The following TFEC variants were observed in gnomAD, a reference collection of about 807,000 sequenced individuals.
TFEC encodes class E basic helix-loop-helix protein 34.
TFEC carries 31 observed loss-of-function variants against 41.6 expected under a neutral mutation model. The observed-to-expected ratio is 0.74, with a 90% CI of 0.56 to 1.01. The LOEUF (loss-of-function observed/expected upper bound fraction) is 1.01, where lower values mean the gene tolerates loss of function less well. TFEC is among the 50% of genes least tolerant of loss of function. TFEC has a pLI of 0.00. For missense variants in TFEC, 402 were observed against 404.1 expected (o/e 0.99, Z 0.04); for synonymous variants, 143 against 140.6 (o/e 1.02, Z -0.12).
At chr7:116,125,495 A>G (rs1486788213) in intron 1 of TFEC, among the ~76,000 whole-genome samples, 1 of 152,210 alleles carries the variant, frequency 6.6e-6, no homozygotes, top group African/African-American at 2.4e-5. Flanking sequence ...TAAGACCATC[A>G]TGGTTGTGCT....
Position 116,008,103 on chromosome 7 carries a change from T to C in TFEC, c.-73+22530A>G, listed in dbSNP as rs1263213329. The stretch of plus-strand genomic sequence containing the variant: ...ACCTGGGAGGAGATAAATCCGCTTC[T>C]TGGGTACTGGCCTTTTGAAACTCAA... On this transcript the variant is annotated intron_variant, in intron 1 of 7. Coordinates refer to ENST00000265440, the MANE Select transcript of TFEC (RefSeq NM_012252.4). 4.2e-4 allele frequency among the ~76,000 whole-genome samples: 64 copies of C among 152,156 alleles called. 1 individual carries two copies.
At chr7:115,987,323 C>T (rs769836231) in intron 1 of TFEC, among the ~76,000 whole-genome samples, 6 of 152,192 alleles carry the variant, frequency 3.9e-5, no homozygotes, top group South Asian at 4.2e-4. Flanking sequence ...ATCAGAACAA[C>T]GGGATAACTC....
At chr7:116,158,404 T>C (rs922575550) in intron 1 of TFEC, among the ~76,000 whole-genome samples, 1 of 152,120 alleles carries the variant, frequency 6.6e-6, no homozygotes, top group Non-Finnish European at 1.5e-5. Flanking sequence ...TATTTAGTTG[T>C]GAAAAATTAT....
intron 1 of TFEC, among the ~76,000 whole-genome samples, chr7:116,119,177 A>G (rs559642880): frequency 1.3e-5 from 2 of 151,878 alleles, no homozygotes; most frequent in South Asian, 2.1e-4. Flanking sequence ...ATTTTTACCA[A>G]ATAGAGAAGC....
At chr7:116,152,580 C>G (rs1253353727) in intron 1 of TFEC, among the ~76,000 whole-genome samples, 3 of 152,110 alleles carry the variant, frequency 2.0e-5, no homozygotes, top group Non-Finnish European at 4.4e-5. Context: ...TCACATAAAG[C>G]TGGGAATGGT....
At chr7:116,059,751 T>C (rs375097974) in intron 3 of TFEC, among the ~76,000 whole-genome samples, 1 of 152,046 alleles carries the variant, frequency 6.6e-6, no homozygotes, top group East Asian at 1.9e-4. Context: ...ATCAGCTCAG[T>C]AGACATCAAA....
At chr7:116,098,285 G>A (rs892917105) in intron 3 of TFEC, among the ~76,000 whole-genome samples, 4 of 151,786 alleles carry the variant, frequency 2.6e-5, no homozygotes, top group Admixed American at 1.3e-4. Flanking sequence ...TCAGTCTCCC[G>A]AGTAGCTAGG....
intron 1 of TFEC, among the ~76,000 whole-genome samples, chr7:116,135,083 A>G (rs1007931905): frequency 6.6e-6 from 1 of 152,128 alleles, no homozygotes; most frequent in Non-Finnish European, 1.5e-5. Flanking sequence ...CCCTCCTTTT[A>G]TGCTGTATGT....
At chr7:116,004,820 G>T (rs917578777) in intron 1 of TFEC, among the ~76,000 whole-genome samples, 4 of 152,002 alleles carry the variant, frequency 2.6e-5, no homozygotes, top group African/African-American at 4.8e-5. Flanking sequence ...AGGGAGATCA[G>T]TATTACTGAT....
In TFEC at chr7:116,098,458, T is replaced by G. The variant is rs188994837; in HGVS notation, c.198+12250A>C. Reference sequence around the variant, plus strand: ...AAAATAGACTTCTGAGCAAAAAGACTTAAGCAGAAACAAAGAAGGCTATTA... The same window carrying G: ...AAAATAGACTTCTGAGCAAAAAGACGTAAGCAGAAACAAAGAAGGCTATTA... On this transcript the variant is annotated intron_variant, in intron 3 of 8. Transcript: ENST00000484212. 1.6e-4 allele frequency among the ~76,000 whole-genome samples: 24 copies of G among 152,222 alleles called. No homozygotes were observed. The East Asian group carries it at 4.2e-3, about 27-fold the overall frequency.
At chr7:116,016,144 G>A (rs866375658) in intron 1 of TFEC, among the ~76,000 whole-genome samples, 15 of 152,178 alleles carry the variant, frequency 9.9e-5, no homozygotes, top group African/African-American at 3.4e-4. Flanking sequence ...CAAGAAAAAA[G>A]TGGTTAACAA....
At chr7:116,063,219 A>C (rs536384845) in intron 3 of TFEC, among the ~76,000 whole-genome samples, 1 of 152,346 alleles carries the variant, frequency 6.6e-6, no homozygotes, top group East Asian at 1.9e-4. Flanking sequence ...AATACTAGAG[A>C]AGGCAAGCTA....
In TFEC at chr7:116,021,273, C is replaced by T. The variant is rs80170509; in HGVS notation, c.-73+9360G>A. Among the ~76,000 whole-genome samples, 353 of 152,304 alleles carry T rather than the reference C, an allele frequency of 2.3e-3. 5 individuals are homozygous for T. In the East Asian group the frequency reaches 0.03, roughly 13 times the overall value. On this transcript the variant is annotated intron_variant, in intron 1 of 7. Transcript: ENST00000265440. ...AAAGCACTACCATTAAAGGCAAGGT[C>T]GACTTTGCTTACCACAAGTTACAAA...
At chr7:116,126,281 AT>A in intron 1 of TFEC, among the ~76,000 whole-genome samples, 1 of 152,274 alleles carries the variant, frequency 6.6e-6, no homozygotes, top group African/African-American at 2.4e-5. Flanking sequence ...GGACAAATCA[AT>A]TTTTTACTCA....
Position 116,081,891 on chromosome 7 carries a change from T to C in TFEC, c.198+28817A>G, listed in dbSNP as rs192604545. ...TTCATCTTGCGCCTTTCTTGCTTGA[T>C]TAATGTTTACCTCTCAAGACACACT... On this transcript the variant is annotated intron_variant, in intron 3 of 8. Transcript: ENST00000484212. Among the ~76,000 whole-genome samples the C allele has an allele frequency of 2.6e-5, 4 of 152,158 alleles. No individual in the cohort carries two copies. The East Asian group carries it at 7.7e-4, about 29-fold the overall frequency.
intron 1 of TFEC, among the ~76,000 whole-genome samples, chr7:116,001,872 G>T (rs1794611076): frequency 6.6e-6 from 1 of 151,846 alleles, no homozygotes; most frequent in Admixed American, 6.6e-5. Context: ...AGACAAACAG[G>T]TATATAAAAA....
At chr7:116,130,966 T>C (rs1798320289) in intron 1 of TFEC, among the ~76,000 whole-genome samples, 1 of 152,182 alleles carries the variant, frequency 6.6e-6, no homozygotes, top group African/African-American at 2.4e-5. Flanking sequence ...ATCTTTCTAG[T>C]TAAAATTTTC....
At chr7:116,085,355 G>A (rs936869925) in intron 3 of TFEC, among the ~76,000 whole-genome samples, 2 of 151,898 alleles carry the variant, frequency 1.3e-5, no homozygotes, top group African/African-American at 4.8e-5. Context: ...TAAACCAAGA[G>A]AGAAGTGAAG....
At position 115,958,725 on chromosome 7, in the gene TFEC, G is replaced by T. The variant is rs564290710; in HGVS notation, c.268-1932C>A. On this transcript the variant is annotated intron_variant, in intron 3 of 7. Coordinates refer to ENST00000265440, the MANE Select transcript of TFEC (RefSeq NM_012252.4). ...AATCTAATCCGGCTGAACTGTAGCC[G>T]TATTGCATATTCTTCTGATCTTGGT... 6.6e-5 allele frequency among the ~76,000 whole-genome samples: 10 copies of T among 151,928 alleles called. 1 individual carries two copies. The highest frequency in any genetic ancestry group is 1.0e-4 in the Non-Finnish European group (7 of 67,888).
Sources: allele counts gnomAD v4.1 joint callset (sites outside exome capture counted in the v4.1 genomes callset), GRCh38; gene constraint gnomAD v4.1.1; transcripts MANE v1.5; gene names NCBI Gene and HGNC (gene_info 2026-07-23, HGNC 2026-07-21).